BRWD3: variants seen among roughly 807,000 people sequenced by gnomAD.
BRWD3 encodes bromodomain and WD repeat-containing protein 3.
In BRWD3, 10 loss-of-function variants were observed where a neutral mutation model predicts 149.7. The ratio of observed to expected loss-of-function variants is 0.07; its 90% CI spans 0.04 to 0.11. The LOEUF is 0.11. Ranked by LOEUF, BRWD3 falls within the 10% of genes least tolerant of loss-of-function variation. The pLI, the probability that BRWD3 is intolerant of heterozygous loss-of-function variation, is 1.00. For synonymous variants in BRWD3, 504 were observed against 456.7 expected (o/e 1.10, Z -1.32); for missense variants, 940 against 1,373.2 (o/e 0.68, Z 4.99).
At chrX:80,725,860 CATA>C in intron 14 of BRWD3, among the ~76,000 whole-genome samples, 1 of 102,260 alleles carries the variant, frequency 9.8e-6, no homozygotes, top group East Asian at 3.3e-4. Context: ...GCCTATATAA[CATA>C]ACATGTTTAC....
intron 4 of BRWD3, among the ~76,000 whole-genome samples, chrX:80,806,519 T>C (rs980456379): frequency 8.9e-6 from 1 of 111,869 alleles, no homozygotes; most frequent in Admixed American, 9.5e-5. Flanking sequence ...ACAAGAGCTA[T>C]AAAACTCATG....
chrX:80,773,411 G>T (rs562995782), intron 6 of BRWD3, among the ~76,000 whole-genome samples: 1 of 111,290 alleles, frequency 9.0e-6, no homozygotes, highest in Non-Finnish European at 1.9e-5. Context: ...GGCTAAAATT[G>T]CATGCTTTTT....
chrX:80,788,944 C>T (rs908780839), intron 6 of BRWD3, among the ~76,000 whole-genome samples: 3 of 111,599 alleles, frequency 2.7e-5, no homozygotes, highest in Non-Finnish European at 5.6e-5. Flanking sequence ...GTTGAGCAAA[C>T]GATACTGAGG....
intron 6 of BRWD3, among the ~76,000 whole-genome samples, chrX:80,767,220 G>C (rs2073872251): frequency 8.9e-6 from 1 of 112,364 alleles, no homozygotes; most frequent in South Asian, 3.7e-4. Context: ...CGGCGTTTGA[G>C]CACAAAGAAC....
At chrX:80,728,934 T>C in intron 13 of BRWD3, 29 bp from the exon 14 acceptor site, 7 of 1,184,690 alleles carry the variant, frequency 5.9e-6, no homozygotes, top group Middle Eastern at 2.3e-4. Context: ...AGTATTCATA[T>C]CTTATAAATT....
At chrX:80,732,811 T>C (rs755505467) in intron 12 of BRWD3, among the ~76,000 whole-genome samples, 3 of 111,741 alleles carry the variant, frequency 2.7e-5, no homozygotes, top group East Asian at 2.8e-4. Flanking sequence ...TTATATTCCA[T>C]AGACAGAGAA....
intron 9 of BRWD3, 132 bp downstream of exon 9, chrX:80,735,856 G>T: frequency 2.6e-6 from 1 of 378,757 alleles, no homozygotes; most frequent in Non-Finnish European, 4.6e-6. Context: ...TATTGAAGTA[G>T]GTATGGATAT....
chrX:80,753,096 G>GTT (rs1361266852), intron 6 of BRWD3, among the ~76,000 whole-genome samples: 1 of 111,396 alleles, frequency 9.0e-6, no homozygotes, highest in African/African-American at 3.3e-5. Context: ...GTATATTTTG[G>GTT]TTATTAGTCC....
At position 80,748,622 on chromosome X, in the gene BRWD3, T is replaced by C. The variant is rs759071547; in HGVS notation, c.431-2893A>G. On this transcript the variant is annotated intron_variant, in intron 6 of 40. Transcript: ENST00000373275. ...CATCTCTGATTCTGAGTCTTTTCTT[T>C]TGTTTTTTTTCCTAAGTCTACCTAA... Among the ~76,000 whole-genome samples the C allele has an allele frequency of 6.3e-5, 7 of 111,625 alleles. No homozygotes were observed. The South Asian group carries it at 2.2e-3, about 35-fold the overall frequency.
intron 21 of BRWD3, among the ~76,000 whole-genome samples, chrX:80,708,095 C>T (rs760529540): frequency 9.7e-4 from 109 of 112,251 alleles, no homozygotes; most frequent in Non-Finnish European, 4.5e-4. Flanking sequence ...TATCACATTA[C>T]ATTTAAAAGG....
intron 17 of BRWD3, among the ~76,000 whole-genome samples, chrX:80,721,650 C>T (rs1017044527): frequency 9.0e-6 from 1 of 111,542 alleles, no homozygotes; most frequent in Non-Finnish European, 1.9e-5. Flanking sequence ...GAATAAATTG[C>T]TTTGATAGAA....
chrX:80,799,194 C>T (rs1190618762), intron 4 of BRWD3, among the ~76,000 whole-genome samples: 3 of 111,806 alleles, frequency 2.7e-5, no homozygotes, highest in African/African-American at 9.8e-5. Context: ...ATTATGACAA[C>T]TGAGAAAATC....
chrX:80,713,146 A>C (rs766118800), intron 20 of BRWD3, among the ~76,000 whole-genome samples: 2 of 108,136 alleles, frequency 1.8e-5, no homozygotes, highest in East Asian at 6.1e-4. Flanking sequence ...CCTACTGGGA[A>C]GTGAGGAGCC....
At chrX:80,808,710 C>G in intron 3 of BRWD3, 112 bp from the exon 4 acceptor site, 1 of 554,795 alleles carries the variant, frequency 1.8e-6, no homozygotes, top group Non-Finnish European at 2.8e-6. Flanking sequence ...ACTTTACCGT[C>G]TTTATTTCTC....
intron 6 of BRWD3, among the ~76,000 whole-genome samples, chrX:80,790,322 C>G (rs1449014426): frequency 1.8e-5 from 2 of 109,644 alleles, no homozygotes; most frequent in Non-Finnish European, 3.8e-5. Context: ...AAAACTGCCT[C>G]AAATCACAAA....
intron 31 of BRWD3, among the ~76,000 whole-genome samples, chrX:80,690,444 AC>A (rs911233894): frequency 2.7e-5 from 3 of 111,571 alleles, no homozygotes; most frequent in African/African-American, 9.7e-5. Flanking sequence ...ATAAAAAATG[AC>A]AGATTTTTAT....
At chrX:80,712,204 A>AT (rs748883349) in intron 20 of BRWD3, among the ~76,000 whole-genome samples, 1 of 111,703 alleles carries the variant, frequency 9.0e-6, no homozygotes, top group African/African-American at 3.3e-5. Context: ...GCCGAGCCGA[A>AT]GCTGGACTGT....
In BRWD3 at chrX:80,677,346, G is replaced by T; in HGVS notation, c.4672C>A (p.Pro1558Thr). ...TCTCTGCCATCACCATTTGTAAGGG[G>T]TCCATCAAGGGAGTGATCTAAATTA... ...PVKQDHSLDG[P>T]LTNGDGREPR... Residue 1558 changes from proline (P) to threonine (T), a missense_variant, in exon 41 of 41, where the codon CCC (proline) becomes ACC (threonine). Coordinates refer to ENST00000373275, the MANE Select transcript of BRWD3 (RefSeq NM_153252.5). 8.3e-7 allele frequency: 1 copy of T among 1,201,047 alleles called. No individual in the cohort carries two copies. Among genetic ancestry groups the T allele is most frequent in the Admixed American group, 2.2e-5 (1 of 44,720 alleles).
intron 6 of BRWD3, among the ~76,000 whole-genome samples, chrX:80,788,291 G>A (rs1171142552): frequency 2.7e-5 from 3 of 109,408 alleles, no homozygotes; most frequent in Non-Finnish European, 5.7e-5. Context: ...GGGCAGGGAG[G>A]GGAGGAGACA....
Sources: allele counts gnomAD v4.1 joint callset (sites outside exome capture counted in the v4.1 genomes callset), GRCh38; gene constraint gnomAD v4.1.1; transcripts MANE v1.5; gene names NCBI Gene and HGNC (gene_info 2026-07-23, HGNC 2026-07-21).